The following SEC23A variants were observed in gnomAD, a reference collection of about 807,000 sequenced individuals.
The protein encoded by SEC23A is SEC23 homolog A, COPII component.
SEC23A carries 56 observed loss-of-function variants against 103.7 expected under a neutral mutation model. The ratio of observed to expected loss-of-function variants is 0.54; its 90% CI spans 0.44 to 0.67. The LOEUF (loss-of-function observed/expected upper bound fraction) is 0.67. Among genes scored for constraint, SEC23A ranks in the 30% least tolerant of loss-of-function variants. The pLI, the probability that SEC23A is intolerant of heterozygous loss-of-function variation, is 0.00. For missense variants in SEC23A, 784 were observed against 936.4 expected, an observed-to-expected ratio of 0.84 and a Z score of 2.12; for synonymous variants, 281 against 293.0, an observed-to-expected ratio of 0.96 and a Z score of 0.42.
chr14:39,056,591 CA>C (rs531866168), intron 13 of SEC23A, among the ~76,000 whole-genome samples: 6 of 151,690 alleles, frequency 4.0e-5, no homozygotes, highest in Non-Finnish European at 5.9e-5. Flanking sequence ...TCCTGTGCCT[CA>C]GCCTCCTGAG....
At chr14:39,068,003 T>C (rs1886731610) in intron 9 of SEC23A, among the ~76,000 whole-genome samples, 1 of 152,080 alleles carries the variant, frequency 6.6e-6, no homozygotes, top group Non-Finnish European at 1.5e-5. Context: ...TGTGTGTGTA[T>C]GTATATGCAT....
intron 2 of SEC23A, among the ~76,000 whole-genome samples, chr14:39,094,389 CACACACACATATAT>C (rs1418063735): frequency 8.0e-5 from 4 of 50,208 alleles, no homozygotes; most frequent in African/African-American, 3.1e-4. Flanking sequence ...CACACACACA[CACACACACATATAT>C]ATATATATAT....
intron 14 of SEC23A, among the ~76,000 whole-genome samples, chr14:39,053,098 G>A (rs1479549724): frequency 6.6e-6 from 1 of 152,190 alleles, no homozygotes; most frequent in East Asian, 1.9e-4. Context: ...TTGCACCACT[G>A]CACTCCAGCC....
chr14:39,047,466 G>A (rs1251744101), intron 15 of SEC23A: 2 of 1,151,254 alleles, frequency 1.7e-6, no homozygotes, highest in South Asian at 1.4e-5. Flanking sequence ...CTGGGTTATA[G>A]ATCAATCAGC....
intron 18 of SEC23A, chr14:39,039,401 AAC>A (rs1201951405): frequency 5.4e-5 from 16 of 295,794 alleles, no homozygotes; most frequent in Admixed American, 1.5e-4. Flanking sequence ...GAAATTACTA[AAC>A]ACTTGGTCAG....
At chr14:39,038,472 G>A (rs554674466) in intron 19 of SEC23A, among the ~76,000 whole-genome samples, 1 of 152,074 alleles carries the variant, frequency 6.6e-6, no homozygotes, top group South Asian at 2.1e-4. Flanking sequence ...TAAACATACT[G>A]GACACTCAAT....
chr14:39,047,325 A>C (rs1437782731), intron 15 of SEC23A: 3 of 1,100,886 alleles, frequency 2.7e-6, no homozygotes, highest in Non-Finnish European at 3.7e-6. Flanking sequence ...CTTTCCTATT[A>C]GTTTCTGCTA....
chr14:39,041,335 A>G (rs1474020550), intron 17 of SEC23A: 1 of 149,022 alleles, frequency 6.7e-6, no homozygotes, highest in Non-Finnish European at 1.5e-5. Flanking sequence ...GTATAAAACA[A>G]TCATGTGCAT....
At chr14:39,091,372 T>G (rs1343455407) in intron 5 of SEC23A, 105 bp downstream of exon 5, 2 of 762,480 alleles carry the variant, frequency 2.6e-6, no homozygotes, top group Non-Finnish European at 4.5e-6. Flanking sequence ...ACAATTATAT[T>G]AGTTATTCAT....
chr14:39,071,679 A>G lies in SEC23A; in HGVS notation c.1103+2736T>C, dbSNP rs189613008. ...GGAGTTCAAGACCAGCCTGGCCAAC[A>G]TGGTGAAACCCAGTCTCTACTAAAA... is the stretch of plus-strand genomic sequence containing the variant. On this transcript the variant is annotated intron_variant, in intron 9 of 19. Coordinates refer to ENST00000307712, the MANE Select transcript of SEC23A (RefSeq NM_006364.4). Among the ~76,000 whole-genome samples, 9 of 152,262 alleles carry G rather than the reference A, an allele frequency of 5.9e-5. No homozygotes were observed. In the East Asian group the frequency reaches 1.7e-3, roughly 29 times the overall value.
chr14:39,050,251 A>G (rs1886010987), intron 14 of SEC23A, among the ~76,000 whole-genome samples: 1 of 152,228 alleles, frequency 6.6e-6, no homozygotes, highest in South Asian at 2.1e-4. Flanking sequence ...GGGCAGATAA[A>G]GCAACAGTAA....
chr14:39,059,134 T>C (rs1242062976), intron 13 of SEC23A, among the ~76,000 whole-genome samples: 1 of 151,994 alleles, frequency 6.6e-6, no homozygotes, highest in African/African-American at 2.4e-5. Context: ...TTCTTACAAC[T>C]AGTTTAAACC....
chr14:39,032,353 G>A lies in SEC23A; in HGVS notation c.*886C>T, dbSNP rs1833449109. The A allele has an allele frequency of 6.6e-6, 1 of 152,502 alleles. No homozygotes were observed. Among genetic ancestry groups the A allele is most frequent in the African/African-American group, 2.4e-5 (1 of 41,418 alleles). 9.4% of individuals were successfully genotyped at this position (152,502 alleles called of 1,614,324 possible). On this transcript the variant is annotated 3_prime_UTR_variant, in exon 20 of 20. Transcript: ENST00000307712. ...AAAGGAAGGAAAAACAAAAAGTAAT[G>A]TGTAAACTGCCAAAATAGTGTTAAA...
chr14:39,094,333 TAC>T (rs1411313552), intron 2 of SEC23A, among the ~76,000 whole-genome samples: 2 of 46,798 alleles, frequency 4.3e-5, no homozygotes, highest in Admixed American at 2.4e-4. Context: ...TATACACATA[TAC>T]ACATATATAT....
At chr14:39,087,912 A>G (rs1435256626) in intron 5 of SEC23A, 1 of 152,222 alleles carries the variant, frequency 6.6e-6, no homozygotes, top group Non-Finnish European at 1.5e-5. Flanking sequence ...TATAAATGAA[A>G]ATTGACAATC....
intron 2 of SEC23A, among the ~76,000 whole-genome samples, chr14:39,094,541 G>A (rs111806130): frequency 0.23 from 34,427 of 148,594 alleles, 4,482 homozygotes; most frequent in Middle Eastern, 0.38. Context: ...GGGATTACAG[G>A]CGTGAGCTAC....
intron 15 of SEC23A, among the ~76,000 whole-genome samples, chr14:39,045,756 T>A (rs539533365): frequency 6.6e-6 from 1 of 152,252 alleles, no homozygotes; most frequent in Non-Finnish European, 1.5e-5. Context: ...GTAGTAAAAC[T>A]ATGACCATTC....
At chr14:39,088,716 G>C (rs554757689) in intron 5 of SEC23A, 2 of 152,002 alleles carry the variant, frequency 1.3e-5, no homozygotes, top group East Asian at 1.9e-4. Context: ...CCGGGTGACA[G>C]AGCGAGACTC....
At chr14:39,058,597 G>A (rs140646472) in intron 13 of SEC23A, among the ~76,000 whole-genome samples, 1,690 of 152,210 alleles carry the variant, frequency 0.011, 41 homozygotes, top group African/African-American at 0.039. Context: ...GTGAGCCACC[G>A]CGCCCGGCCT....
Sources: allele counts gnomAD v4.1 joint callset (sites outside exome capture counted in the v4.1 genomes callset), GRCh38; gene constraint gnomAD v4.1.1; transcripts MANE v1.5; gene names NCBI Gene and HGNC (gene_info 2026-07-23, HGNC 2026-07-21).